SV2C: variants seen among roughly 807,000 people sequenced by gnomAD.
The protein encoded by SV2C is synaptic vesicle glycoprotein 2C.
SV2C carries 49 observed loss-of-function variants against 79.7 expected under a neutral mutation model. The ratio of observed to expected loss-of-function variants is 0.61; its 90% confidence interval spans 0.49 to 0.78. The LOEUF (loss-of-function observed/expected upper bound fraction) is 0.78, where lower values mean the gene tolerates loss of function less well. Ranked by LOEUF, SV2C falls within the 30% of genes least tolerant of loss-of-function variation. The pLI is 0.00. For missense variants in SV2C, 833 were observed against 912.9 expected (o/e 0.91, Z 1.13); for synonymous variants, 334 against 333.2 (o/e 1.00, Z -0.03).
chr5:75,873,614 T>C, the SV2C span, among the ~76,000 whole-genome samples: 424 of 152,284 alleles, frequency 2.8e-3, 5 homozygotes, highest in African/African-American at 9.7e-3. Flanking sequence ...AAATCATTTA[T>C]TTATGAGAAC....
chr5:75,902,147 A>G, the SV2C span, among the ~76,000 whole-genome samples: 1 of 152,204 alleles, frequency 6.6e-6, no homozygotes, highest in Non-Finnish European at 1.5e-5. Flanking sequence ...CCGGTACCTC[A>G]GATGGAAATG....
chr5:76,175,562 C>G (rs4532342), intron 2 of SV2C, among the ~76,000 whole-genome samples: 105,092 of 151,988 alleles, frequency 0.69, 37,474 homozygotes, highest in East Asian at 0.97. Flanking sequence ...AAAATTTCCC[C>G]CATATCCCAG....
intron 1 of SV2C, among the ~76,000 whole-genome samples, chr5:76,092,810 C>T (rs1445783986): frequency 6.6e-6 from 1 of 152,078 alleles, no homozygotes. Flanking sequence ...GAAAAGTCTC[C>T]TAATCATCCT....
chr5:76,136,836 C>T (rs1254339292), intron 2 of SV2C, among the ~76,000 whole-genome samples: 1 of 152,114 alleles, frequency 6.6e-6, no homozygotes, highest in Non-Finnish European at 1.5e-5. Context: ...ACTTGGTAGG[C>T]AATTATGTGA....
intron 2 of SV2C, among the ~76,000 whole-genome samples, chr5:76,167,780 C>T (rs967038318): frequency 6.6e-6 from 1 of 152,150 alleles, no homozygotes; most frequent in Admixed American, 6.5e-5. Context: ...AGTCTTCAGA[C>T]CCAGGAACCC....
chr5:76,088,178 A>C (rs1307923718), intron 1 of SV2C, among the ~76,000 whole-genome samples: 1 of 152,218 alleles, frequency 6.6e-6, no homozygotes, highest in African/African-American at 2.4e-5. Flanking sequence ...ATTTCAGTCC[A>C]GCCTCTAAGC....
the SV2C span, among the ~76,000 whole-genome samples, chr5:75,901,095 A>G: frequency 3.3e-5 from 5 of 152,338 alleles, no homozygotes; most frequent in South Asian, 1.0e-3. Flanking sequence ...TGTCAAAGTC[A>G]TTCTCCGTCC....
chr5:76,319,240 C>A (rs1227461668), intron 12 of SV2C, among the ~76,000 whole-genome samples: 1 of 128,432 alleles, frequency 7.8e-6, no homozygotes, highest in African/African-American at 3.3e-5. Flanking sequence ...GTGAAACCTG[C>A]ATCTCTACAA....
At chr5:75,914,694 A>G in the SV2C span, among the ~76,000 whole-genome samples, 1 of 152,258 alleles carries the variant, frequency 6.6e-6, no homozygotes, top group African/African-American at 2.4e-5. Context: ...AATTTTGGGT[A>G]CATATTATAA....
At chr5:75,902,700 C>G in the SV2C span, among the ~76,000 whole-genome samples, 1 of 138,844 alleles carries the variant, frequency 7.2e-6, no homozygotes, top group Non-Finnish European at 1.5e-5. Context: ...GTCTTCCCTT[C>G]CCTTTGGACT....
At chr5:76,023,053 A>G in the SV2C span, among the ~76,000 whole-genome samples, 168 of 152,340 alleles carry the variant, frequency 1.1e-3, no homozygotes, top group Middle Eastern at 6.8e-3. Flanking sequence ...TGAAACAACT[A>G]ACTGTACTTT....
chr5:75,988,148 A>G, the SV2C span, among the ~76,000 whole-genome samples: 2 of 152,126 alleles, frequency 1.3e-5, no homozygotes, highest in East Asian at 3.9e-4. Context: ...TACATTTAAG[A>G]TAGGACATTA....
intron 1 of SV2C, among the ~76,000 whole-genome samples, chr5:76,094,274 C>A (rs1747472747): frequency 6.6e-6 from 1 of 152,034 alleles, no homozygotes; most frequent in African/African-American, 2.4e-5. Flanking sequence ...TCTGTGTAGC[C>A]AAAAGCATAT....
At chr5:76,081,635 A>C (rs1010295220), upstream of SV2C, among the ~76,000 whole-genome samples, 1 of 152,244 alleles carries the variant, frequency 6.6e-6, no homozygotes, top group African/African-American at 2.4e-5. Context: ...TCATAGCACC[A>C]TGGTCACAGA....
chr5:75,977,456 C>G, the SV2C span, among the ~76,000 whole-genome samples: 1 of 152,236 alleles, frequency 6.6e-6, no homozygotes, highest in Non-Finnish European at 1.5e-5. Flanking sequence ...GCTCAGTTCA[C>G]TGGAACTCCT....
At chr5:76,023,684 G>GTATATA in the SV2C span, among the ~76,000 whole-genome samples, 1,496 of 148,812 alleles carry the variant, frequency 0.01, 30 homozygotes, top group African/African-American at 0.035. Flanking sequence ...ATGTGTGTGT[G>GTATATA]TATATATATA....
chr5:76,035,716 T>A, the SV2C span, among the ~76,000 whole-genome samples: 1,991 of 152,328 alleles, frequency 0.013, 48 homozygotes, highest in African/African-American at 0.041. Flanking sequence ...AAAGAATGTA[T>A]CTTCTGTTGA....
At chr5:76,141,924 A>G (rs2112209942) in intron 2 of SV2C, among the ~76,000 whole-genome samples, 1 of 152,200 alleles carries the variant, frequency 6.6e-6, no homozygotes, top group East Asian at 1.9e-4. Flanking sequence ...GATCAAGCCA[A>G]ATATAATAAT....
chr5:76,353,520 C>T (rs949957299), exon 13 of SV2C: 16 of 152,626 alleles, frequency 1.0e-4, no homozygotes, highest in African/African-American at 3.6e-4. Flanking sequence ...TGCTTCTAAA[C>T]TTGGCTTTAT....
Sources: gnomAD v4.1 joint callset for allele counts (sites outside exome capture counted in the v4.1 genomes callset) on GRCh38, gnomAD v4.1.1 for gene constraint, MANE v1.5 for transcripts, NCBI Gene and HGNC (gene_info 2026-07-23, HGNC 2026-07-21) for gene names.